Variants in ELOVL4 observed in about 807,000 individuals in gnomAD.
ELOVL4 encodes very long chain fatty acid elongase 4.
In ELOVL4, 18 loss-of-function variants were observed where a neutral mutation model predicts 42.1. The ratio of observed to expected loss-of-function variants is 0.43; its 90% CI spans 0.30 to 0.63. The LOEUF (loss-of-function observed/expected upper bound fraction) is 0.63. Among genes scored for constraint, ELOVL4 ranks in the 30% least tolerant of loss-of-function variants. The pLI is 0.15. For missense variants in ELOVL4, 299 were observed against 376.2 expected (o/e 0.79, Z 1.70); for synonymous variants, 117 against 127.0 (o/e 0.92, Z 0.53).
At chr6:79,943,924 CA>C (rs1472725060) in intron 1 of ELOVL4, among the ~76,000 whole-genome samples, 6 of 151,272 alleles carry the variant, frequency 4.0e-5, no homozygotes, top group Non-Finnish European at 8.9e-5. Context: ...CACCAAAATG[CA>C]GGGTACTATA....
rs1217079436 is a variant in ELOVL4, at chr6:79,914,943, CA to C, written c.*1664del. On this transcript the variant is annotated 3_prime_UTR_variant, in exon 6 of 6. Transcript: ENST00000369816. ...AGTCATTACACACTGAGCAACAAAA[CA>C]AAGGTGTTGAATCCTCTTAGATCAA... The C allele has an allele frequency of 3.9e-5, 6 of 152,560 alleles. No homozygotes were observed. The highest frequency in any genetic ancestry group is 1.4e-4 in the African/African-American group (6 of 41,448). 9.5% of individuals were successfully genotyped at this position (152,560 alleles called of 1,614,324 possible). A position where few individuals can be genotyped will look rare whatever the true frequency, so the allele number is the denominator to read the frequency against.
In ELOVL4 at chr6:79,939,437, T is replaced by G. The variant is rs150221241; in HGVS notation, c.100+7743A>C. ...AACTCTATACCTATTAAACAAGTCA[T>G]CAGTTCTCCTTCTCCCCAGGCCCTA... On this transcript the variant is annotated intron_variant, in intron 1 of 5. Coordinates refer to ENST00000369816, the MANE Select transcript of ELOVL4 (RefSeq NM_022726.4). Among the ~76,000 whole-genome samples, 31 of 152,222 alleles carry G rather than the reference T, an allele frequency of 2.0e-4. No individual in the cohort carries two copies. In the East Asian group the frequency reaches 5.8e-3, roughly 28 times the overall value.
intron 1 of ELOVL4, among the ~76,000 whole-genome samples, chr6:79,929,551 A>G (rs1582050030): frequency 6.6e-6 from 1 of 152,142 alleles, no homozygotes; most frequent in Admixed American, 6.5e-5. Flanking sequence ...CATGCAGCCC[A>G]TTTCTAAGAA....
rs143566278 is a variant in ELOVL4, at chr6:79,914,854, G to C, written c.*1754C>G. 2.6e-5 allele frequency: 4 copies of C among 152,606 alleles called. No homozygotes were observed. The highest frequency in any genetic ancestry group is 5.9e-5 in the Non-Finnish European group (4 of 67,974). 9.5% of individuals were successfully genotyped at this position (152,606 alleles called of 1,614,324 possible). A position where few individuals can be genotyped will look rare whatever the true frequency, so the allele number is the denominator to read the frequency against. ...AAGTATATTTATTGTGCTGAAATCAGGTAGCAGGGAATGAATAGCTCTTGG... is the reference window on the plus strand; with the variant it reads ...AAGTATATTTATTGTGCTGAAATCACGTAGCAGGGAATGAATAGCTCTTGG... On this transcript the variant is annotated 3_prime_UTR_variant, in exon 6 of 6. Transcript: ENST00000369816.
At chr6:79,939,821 A>G (rs989970582) in intron 1 of ELOVL4, among the ~76,000 whole-genome samples, 4 of 152,180 alleles carry the variant, frequency 2.6e-5, no homozygotes, top group African/African-American at 9.6e-5. Flanking sequence ...TGACTACAGT[A>G]GAGGGTCCAT....
At chr6:79,930,536 A>C (rs1010396151) in intron 1 of ELOVL4, among the ~76,000 whole-genome samples, 2 of 152,160 alleles carry the variant, frequency 1.3e-5, no homozygotes, top group African/African-American at 4.8e-5. Context: ...GCTTCTGATG[A>C]GATGCAAATA....
chr6:79,926,961 T>G (rs1774352833), intron 1 of ELOVL4, among the ~76,000 whole-genome samples: 1 of 152,170 alleles, frequency 6.6e-6, no homozygotes, highest in South Asian at 2.1e-4. Context: ...ATTCAAGACA[T>G]TTTTCTAACT....
rs2308089 is a variant in ELOVL4 at position 79,919,110 on chromosome 6, A to ACATAAAT, written c.669+309_669+310insATTTATG. Among the ~76,000 whole-genome samples the ACATAAAT allele has an allele frequency of 0.77, 116,999 of 151,632 alleles. 45,905 individuals are homozygous for ACATAAAT. Among genetic ancestry groups the ACATAAAT allele is most frequent in the African/African-American group, 0.94 (38,761 of 41,444 alleles). On this transcript the variant is annotated intron_variant, in intron 5 of 5. Transcript: ENST00000369816. ...AAATACATATTATTTTTCTATTCAT[A>ACATAAAT]CTACGTACTTTGTAGCGTGCTTAGA...
chr6:79,943,437 C>G (rs72900935), intron 1 of ELOVL4, among the ~76,000 whole-genome samples: 4,816 of 152,268 alleles, frequency 0.032, 97 homozygotes, highest in Non-Finnish European at 0.047. Flanking sequence ...TCTGACAGTA[C>G]TCACATCAAC....
At chr6:79,935,969 G>T (rs1265477517) in intron 1 of ELOVL4, among the ~76,000 whole-genome samples, 1 of 152,100 alleles carries the variant, frequency 6.6e-6, no homozygotes, top group Non-Finnish European at 1.5e-5. Context: ...ATCAGAATCT[G>T]CATTTTAATA....
At chr6:79,920,473 C>T (rs1045173694) in intron 4 of ELOVL4, among the ~76,000 whole-genome samples, 14 of 152,240 alleles carry the variant, frequency 9.2e-5, no homozygotes, top group East Asian at 7.7e-4. Context: ...CTGAGTATTC[C>T]TTATCCAAAA....
chr6:79,930,834 T>C (rs1353085327), intron 1 of ELOVL4, among the ~76,000 whole-genome samples: 1 of 152,204 alleles, frequency 6.6e-6, no homozygotes, highest in Non-Finnish European at 1.5e-5. Context: ...GGGCTATGTA[T>C]TGAATCCAAA....
At chr6:79,943,552 C>A (rs1774682959) in intron 1 of ELOVL4, among the ~76,000 whole-genome samples, 1 of 152,172 alleles carries the variant, frequency 6.6e-6, no homozygotes, top group African/African-American at 2.4e-5. Context: ...ATGAGAAGAG[C>A]AGGGAAGGAC....
chr6:79,916,506 T>C lies in ELOVL4; in HGVS notation c.*102A>G, dbSNP rs1774162886. 1 of 1,419,856 alleles carries C rather than the reference T, an allele frequency of 7.0e-7. No individual in the cohort carries two copies. Among genetic ancestry groups the C allele is most frequent in the African/African-American group, 1.4e-5 (1 of 70,686 alleles). 88.0% of individuals were successfully genotyped at this position (1,419,856 alleles called of 1,614,324 possible). A position where few individuals can be genotyped will look rare whatever the true frequency, so the allele number is the denominator to read the frequency against. On this transcript the variant is annotated 3_prime_UTR_variant, in exon 6 of 6. Transcript: ENST00000369816. ...TAGGACATAGAGCACATTTGTCTTT[T>C]CTCCCCACCCCCAAGCTCTCCTTTG...
At chr6:79,921,459 CAAAAAAAAAAAAAAAAAAA>C (rs1168483827) in intron 4 of ELOVL4, among the ~76,000 whole-genome samples, 147 bp downstream of exon 4, 3 of 42,368 alleles carry the variant, frequency 7.1e-5, no homozygotes, top group African/African-American at 2.5e-4. Context: ...GACTCCATCT[CAAAAAAAAAAAAAAAAAAA>C]AAAAAAAAAA....
At chr6:79,933,957 T>C (rs239531) in intron 1 of ELOVL4, among the ~76,000 whole-genome samples, 9,427 of 152,278 alleles carry the variant, frequency 0.062, 927 homozygotes, top group African/African-American at 0.22. Context: ...AGATTTCTGG[T>C]CTATCTGGCA....
At chr6:79,943,542 A>G (rs1774682290) in intron 1 of ELOVL4, among the ~76,000 whole-genome samples, 1 of 152,230 alleles carries the variant, frequency 6.6e-6, no homozygotes, top group Non-Finnish European at 1.5e-5. Flanking sequence ...AGAAGTAGAG[A>G]TGAGAAGAGC....
At chr6:79,932,267 G>A (rs1430877240) in intron 1 of ELOVL4, among the ~76,000 whole-genome samples, 6 of 152,194 alleles carry the variant, frequency 3.9e-5, no homozygotes, top group Non-Finnish European at 7.3e-5. Context: ...GGGGCCGGGT[G>A]CAGTGGCTCA....
chr6:79,931,004 A>G (rs904770532), intron 1 of ELOVL4, among the ~76,000 whole-genome samples: 3 of 152,160 alleles, frequency 2.0e-5, no homozygotes, highest in South Asian at 2.1e-4. Context: ...CACCAACTGA[A>G]GTCAAACCCT....
Sources: allele counts gnomAD v4.1 joint callset (sites outside exome capture counted in the v4.1 genomes callset), GRCh38; gene constraint gnomAD v4.1.1; transcripts MANE v1.5; gene names NCBI Gene and HGNC (gene_info 2026-07-23, HGNC 2026-07-21).